The following LRRC4C variants were observed in gnomAD, a reference collection of about 807,000 sequenced individuals.
The protein encoded by LRRC4C is leucine-rich repeat-containing protein 4C.
In LRRC4C, 5 loss-of-function variants were observed where a neutral mutation model predicts 33.6. The observed-to-expected ratio is 0.15, with a 90% CI of 0.08 to 0.31. The LOEUF is 0.31. Ranked by LOEUF, LRRC4C falls within the 10% of genes least tolerant of loss-of-function variation. LRRC4C has a pLI of 1.00. For synonymous variants in LRRC4C, 329 were observed against 302.0 expected (o/e 1.09, Z -0.93); for missense variants, 560 against 796.7 (o/e 0.70, Z 3.58).
At chr11:40,676,533 A>G (rs1165798779) in intron 2 of LRRC4C, among the ~76,000 whole-genome samples, 2 of 152,198 alleles carry the variant, frequency 1.3e-5, no homozygotes, top group Non-Finnish European at 2.9e-5. Flanking sequence ...AGCTTCATCA[A>G]TACCTGCCTC....
intron 1 of LRRC4C, among the ~76,000 whole-genome samples, chr11:41,246,008 C>T (rs537919474): frequency 2.6e-4 from 40 of 152,204 alleles, no homozygotes; most frequent in Non-Finnish European, 4.1e-4. Context: ...AGTTCTCACT[C>T]GGGTCCACAG....
chr11:41,242,456 A>G (rs1948291309), intron 1 of LRRC4C, among the ~76,000 whole-genome samples: 2 of 152,258 alleles, frequency 1.3e-5, no homozygotes, highest in Non-Finnish European at 2.9e-5. Flanking sequence ...ATTATGAGAG[A>G]TGGATGGCAC....
In LRRC4C at chr11:40,578,141, G is replaced by GTTTT. The variant is rs1360920903; in HGVS notation, c.-270+69997_-270+70000dup. Reference sequence around the variant, plus strand: ...GATATTATTGGACTTTTTTTTTTCGGTTTTTTTTTTTTTTTTTTTTTTTTT... The same window carrying GTTTT: ...GATATTATTGGACTTTTTTTTTTCGGTTTTTTTTTTTTTTTTTTTTTTTTTTTTT... On this transcript the variant is annotated intron_variant, in intron 3 of 6. Coordinates refer to ENST00000528697, the MANE Select transcript of LRRC4C (RefSeq NM_001258419.2). Among the ~76,000 whole-genome samples, 4 of 50,136 alleles carry GTTTT rather than the reference G, an allele frequency of 8.0e-5. 1 individual carries two copies. Among genetic ancestry groups the GTTTT allele is most frequent in the Non-Finnish European group, 1.5e-4 (4 of 27,280 alleles). 32.9% of individuals were successfully genotyped at this position (50,136 alleles called of 152,430 possible).
At chr11:41,279,187 A>G (rs1949575398) in intron 1 of LRRC4C, among the ~76,000 whole-genome samples, 1 of 151,948 alleles carries the variant, frequency 6.6e-6, no homozygotes, top group Admixed American at 6.6e-5. Context: ...TATGCACCAC[A>G]TTTTCTTTAT....
intron 2 of LRRC4C, among the ~76,000 whole-genome samples, chr11:40,893,529 A>C (rs1367097605): frequency 6.6e-6 from 1 of 152,070 alleles, no homozygotes; most frequent in African/African-American, 2.4e-5. Flanking sequence ...TATAGACATA[A>C]ATATATGTGC....
intron 2 of LRRC4C, among the ~76,000 whole-genome samples, chr11:40,857,980 A>G: frequency 1.4e-5 from 1 of 71,778 alleles, no homozygotes; most frequent in African/African-American, 3.3e-5. Flanking sequence ...GGAAAGGGAA[A>G]GGGAAAGGGA....
chr11:40,967,241 A>T (rs1362202991), intron 1 of LRRC4C, among the ~76,000 whole-genome samples: 1 of 151,980 alleles, frequency 6.6e-6, no homozygotes, highest in African/African-American at 2.4e-5. Context: ...AAAGTCAGGG[A>T]AAGAGAAGAC....
rs957269628 is a variant in LRRC4C, at chr11:40,116,482, T to C, written c.-42-148A>G. On this transcript the variant is annotated intron_variant, in intron 6 of 6. Coordinates refer to ENST00000528697, the MANE Select transcript of LRRC4C (RefSeq NM_001258419.2). ...AAATCTAATATCCTTTATTAAGCTA[T>C]GTGGTTCATATTTAGAAGAAAATGT... is the stretch of plus-strand genomic sequence containing the variant. 4 of 852,502 alleles carry C rather than the reference T, an allele frequency of 4.7e-6. No homozygotes were observed. In the African/African-American group the frequency reaches 5.1e-5, roughly 11 times the overall value. The allele number at this position is 852,502 out of a possible 1,614,324, so 52.8% of individuals were successfully genotyped here.
chr11:41,171,902 C>T (rs72892662), intron 1 of LRRC4C, among the ~76,000 whole-genome samples: 83 of 152,016 alleles, frequency 5.5e-4, no homozygotes, highest in Non-Finnish European at 1.1e-3. Context: ...ACCAGGCCAG[C>T]TGCTGGGAAA....
At chr11:41,385,777 C>A (rs183770873) in intron 1 of LRRC4C, among the ~76,000 whole-genome samples, 11 of 151,506 alleles carry the variant, frequency 7.3e-5, no homozygotes, top group African/African-American at 2.7e-4. Context: ...TCAAAAGAAA[C>A]GTCCAATAGG....
intron 3 of LRRC4C, among the ~76,000 whole-genome samples, chr11:40,581,701 A>G (rs1006132380): frequency 1.3e-5 from 2 of 152,118 alleles, no homozygotes; most frequent in Admixed American, 1.3e-4. Flanking sequence ...CGGGAGTTCG[A>G]GACCAGCCTG....
chr11:40,816,641 C>T (rs545022011), intron 2 of LRRC4C, among the ~76,000 whole-genome samples: 3 of 152,152 alleles, frequency 2.0e-5, no homozygotes, highest in African/African-American at 4.8e-5. Flanking sequence ...GCATTATACT[C>T]GTGGATATAA....
rs1591490603 is a variant in LRRC4C, at chr11:40,696,934, C to A, written c.-406-48656G>T. 2.0e-5 allele frequency among the ~76,000 whole-genome samples: 3 copies of A among 151,748 alleles called. No homozygotes were observed. In the East Asian group the frequency reaches 5.8e-4, roughly 29 times the overall value. ...TTCAAGAACAAATGTATTCCCCAAA[C>A]TGAGAAAAATCTGGAAAGACACGAT... is the stretch of plus-strand genomic sequence containing the variant. On this transcript the variant is annotated intron_variant, in intron 2 of 6. Transcript: ENST00000528697.
rs144112202 is a variant in LRRC4C, at chr11:41,021,548, T to C, written c.-495-87825A>G. Among the ~76,000 whole-genome samples, 323 of 152,222 alleles carry C rather than the reference T, an allele frequency of 2.1e-3. 1 individual carries two copies. The highest frequency in any genetic ancestry group is 7.6e-3 in the African/African-American group (316 of 41,530). Reference sequence around the variant, plus strand: ...AAGAGGTTAATACACAAAACTCAAATTACCTACTTTATAACGTTCAAATCT... The same window carrying C: ...AAGAGGTTAATACACAAAACTCAAACTACCTACTTTATAACGTTCAAATCT... On this transcript the variant is annotated intron_variant, in intron 1 of 6. Coordinates refer to ENST00000528697, the MANE Select transcript of LRRC4C (RefSeq NM_001258419.2).
intron 2 of LRRC4C, among the ~76,000 whole-genome samples, chr11:40,677,390 C>G (rs1004542489): frequency 5.3e-5 from 8 of 151,952 alleles, no homozygotes; most frequent in African/African-American, 1.9e-4. Context: ...TGTCTCAACT[C>G]AAACAAAACA....
intron 1 of LRRC4C, among the ~76,000 whole-genome samples, chr11:40,939,547 G>A (rs905029299): frequency 1.3e-5 from 2 of 152,010 alleles, no homozygotes; most frequent in African/African-American, 2.4e-5. Context: ...CTGCCCGCTC[G>A]GTTTTAGGCA....
chr11:41,195,908 A>G (rs1946159527), intron 1 of LRRC4C, among the ~76,000 whole-genome samples: 1 of 152,040 alleles, frequency 6.6e-6, no homozygotes, highest in Non-Finnish European at 1.5e-5. Flanking sequence ...ACAAACATAG[A>G]AGCTAAGCCC....
At chr11:40,982,701 GA>G (rs1396054785) in intron 1 of LRRC4C, among the ~76,000 whole-genome samples, 2 of 151,984 alleles carry the variant, frequency 1.3e-5, no homozygotes, top group African/African-American at 4.8e-5. Flanking sequence ...ACATTTGCAA[GA>G]TGTGCAGGTT....
chr11:41,075,026 T>A (rs1343961290), intron 1 of LRRC4C, among the ~76,000 whole-genome samples: 3 of 93,844 alleles, frequency 3.2e-5, no homozygotes, highest in African/African-American at 4.9e-5. Flanking sequence ...TTTTTTTTTT[T>A]TTTTTTTTTT....
Sources: gnomAD v4.1 joint callset for allele counts (sites outside exome capture counted in the v4.1 genomes callset) on GRCh38, gnomAD v4.1.1 for gene constraint, MANE v1.5 for transcripts, NCBI Gene and HGNC (gene_info 2026-07-23, HGNC 2026-07-21) for gene names.